The following DNMT3A variants were observed in gnomAD, a reference collection of about 807,000 sequenced individuals.
DNMT3A encodes DNA (cytosine-5)-methyltransferase 3A.
In DNMT3A, 267 loss-of-function variants were observed where a neutral mutation model predicts 117.6. The observed-to-expected ratio is 2.27, with a 90% CI of 2.05 to 2.51. DNMT3A has a LOEUF of 2.51. Among genes scored for constraint, DNMT3A ranks in the 30% most tolerant of loss-of-function variants. The pLI, the probability that DNMT3A is intolerant of heterozygous loss-of-function variation, is 0.00. For missense variants in DNMT3A, 1,029 were observed against 1,260.2 expected (o/e 0.82, Z 2.78); for synonymous variants, 432 against 474.8 (o/e 0.91, Z 1.17).
rs1043031759 is a variant in DNMT3A, at chr2:25,234,238, G to T, written c.*41C>A. On this transcript the variant is annotated 3_prime_UTR_variant, in exon 23 of 23. Transcript: ENST00000321117. This position sits in a 1 kb window ranked among gnomAD's most constrained non-coding sequence, Gnocchi z 4.5. Reference sequence around the variant, plus strand: ...TATGTTTTGTGTTTTTTGTTTGTTTGTTTAACTTTGTGTCGCTACCTCAGT... The same window carrying T: ...TATGTTTTGTGTTTTTTGTTTGTTTTTTTAACTTTGTGTCGCTACCTCAGT... 7 of 1,570,144 alleles carry T rather than the reference G, an allele frequency of 4.5e-6. No homozygotes were observed. In the Admixed American group the frequency reaches 5.4e-5, roughly 12 times the overall value.
At chr2:25,284,789 T>C (rs937744395) in intron 3 of DNMT3A, among the ~76,000 whole-genome samples, 3 of 151,978 alleles carry the variant, frequency 2.0e-5, no homozygotes, top group Non-Finnish European at 2.9e-5. Context: ...TGAGCATCCT[T>C]TCCAGATTTT....
chr2:25,278,042 C>CACACACGCAAACAG (rs1553422575), intron 4 of DNMT3A, among the ~76,000 whole-genome samples: 1 of 146,294 alleles, frequency 6.8e-6, no homozygotes, highest in Non-Finnish European at 1.5e-5. Context: ...CACACACAGA[C>CACACACGCAAACAG]ACACACGCTT....
chr2:25,242,215 C>T (rs576342562), intron 16 of DNMT3A, among the ~76,000 whole-genome samples: 12 of 152,098 alleles, frequency 7.9e-5, no homozygotes, highest in Non-Finnish European at 1.6e-4. Flanking sequence ...GCCTCCCCAT[C>T]AGAGCAGTTT....
chr2:25,299,181 T>C (rs2033275668), intron 3 of DNMT3A, among the ~76,000 whole-genome samples: 1 of 152,226 alleles, frequency 6.6e-6, no homozygotes, highest in Admixed American at 6.5e-5. Context: ...GCTCCACATC[T>C]GAGTTTAAGA....
Position 25,246,728 on chromosome 2 carries a change from C to T in DNMT3A, c.1171G>A (p.Asp391Asn), listed in dbSNP as rs779155323. ...ACGGCCTTGGCAGTGTCACTCTCAT[C>T]GCTGTCGTGGCACACCGGGAACAGC... Reference protein sequence around the residue: ...GKLFPVCHDSDESDTAKAVEV... With the variant: ...GKLFPVCHDSNESDTAKAVEV... Residue 391 changes from aspartate to asparagine, a missense_variant, in exon 10 of 23, where the codon GAT (aspartate) becomes AAT (asparagine). Physicochemically the swap from Asp to Asn is conservative, Grantham distance 23 (BLOSUM62 1). Coordinates refer to ENST00000321117, the MANE Select transcript of DNMT3A (RefSeq NM_022552.5). The T allele has an allele frequency of 5.6e-6, 9 of 1,613,888 alleles. No individual in the cohort carries two copies. The highest frequency in any genetic ancestry group is 7.6e-6 in the Non-Finnish European group (9 of 1,180,032).
rs780139901 is a variant in DNMT3A, at chr2:25,313,993, C to T, written c.-9G>A. On this transcript the variant is annotated 5_prime_UTR_variant, in exon 2 of 23. Transcript: ENST00000321117. ...GAGGGCATGGCGGGCATCTGGGCGC[C>T]GGGAGGCAGGCTGGGGCTGCGCGGG... The T allele has an allele frequency of 1.0e-5, 16 of 1,540,034 alleles. No homozygotes were observed. Among genetic ancestry groups the T allele is most frequent in the Admixed American group, 6.0e-5 (3 of 49,898 alleles).
chr2:25,287,314 G>A (rs1179580154), intron 3 of DNMT3A, among the ~76,000 whole-genome samples: 6 of 152,148 alleles, frequency 3.9e-5, no homozygotes, highest in East Asian at 1.9e-4. Context: ...TTCTCCTCCC[G>A]TGGGGGGCCA....
chr2:25,337,139 C>T lies in DNMT3A; in HGVS notation c.-178+4687G>A, dbSNP rs541058690. On this transcript the variant is annotated intron_variant, in intron 1 of 22. Coordinates refer to ENST00000321117, the MANE Select transcript of DNMT3A (RefSeq NM_022552.5). The surrounding 1 kb of genome is among the most constrained non-coding windows in gnomAD (Gnocchi z 5.0). ...GGATGAGAATAACGAGCTGAAACTACAGCGGGAGGGATTTCAGGTGGAAGC... is the reference window on the plus strand; with the variant it reads ...GGATGAGAATAACGAGCTGAAACTATAGCGGGAGGGATTTCAGGTGGAAGC... Among the ~76,000 whole-genome samples the T allele has an allele frequency of 3.4e-4, 52 of 152,316 alleles. 1 individual carries two copies. Among genetic ancestry groups the T allele is most frequent in the Admixed American group, 3.0e-3 (46 of 15,304 alleles).
At position 25,249,689 on chromosome 2, in the gene DNMT3A, C is replaced by T. The variant is rs773616337; in HGVS notation, c.640-1437G>A. ...CACTCGTCTTTCAGGCTACGATCCA[C>T]GCGCCCATTCCTTCTCACAACCCGC... is the stretch of plus-strand genomic sequence containing the variant. On this transcript the variant is annotated intron_variant, in intron 6 of 22. Transcript: ENST00000321117. The T allele has an allele frequency of 2.5e-5, 40 of 1,614,098 alleles. No individual in the cohort carries two copies. Among genetic ancestry groups the T allele is most frequent in the African/African-American group, 4.0e-5 (3 of 74,934 alleles).
chr2:25,268,429 G>A (rs544729915), intron 6 of DNMT3A, among the ~76,000 whole-genome samples: 59 of 152,294 alleles, frequency 3.9e-4, no homozygotes, highest in African/African-American at 1.3e-3. Context: ...CGAGATGACC[G>A]CCCAGCTACT....
At chr2:25,335,956 GA>G (rs796197568) in intron 1 of DNMT3A, among the ~76,000 whole-genome samples, 66 of 142,854 alleles carry the variant, frequency 4.6e-4, no homozygotes, top group Middle Eastern at 3.5e-3. Flanking sequence ...AGCTGCTGCT[GA>G]AAAAAAAAAA....
At position 25,305,211 on chromosome 2, in the gene DNMT3A, G is replaced by A. The variant is rs1018079234; in HGVS notation, c.73-4968C>T. Among the ~76,000 whole-genome samples, 1 of 152,198 alleles carries A rather than the reference G, an allele frequency of 6.6e-6. No individual in the cohort carries two copies. The highest frequency in any genetic ancestry group is 2.4e-5 in the African/African-American group (1 of 41,450). On this transcript the variant is annotated intron_variant, in intron 2 of 22. Coordinates refer to ENST00000321117, the MANE Select transcript of DNMT3A (RefSeq NM_022552.5). This position sits in a 1 kb window ranked among gnomAD's most constrained non-coding sequence, Gnocchi z 4.1. ...TACGATTCCAGATTAGGAAACAAGA[G>A]GACTAAAACGTCCCTTCTAGACTTA...
chr2:25,230,806 G>C lies in DNMT3A; in HGVS notation c.*3473C>G, dbSNP rs1260310249. ...GTCCCTGCAAGGGGGGGGGGGGGGGGGCCATGACCCCTGGGGCATCTGGTC... is the reference window on the plus strand; with the variant it reads ...GTCCCTGCAAGGGGGGGGGGGGGGGCGCCATGACCCCTGGGGCATCTGGTC... On this transcript the variant is annotated 3_prime_UTR_variant, in exon 23 of 23. Transcript: ENST00000321117. 8.2e-6 allele frequency: 1 copy of C among 122,240 alleles called. No individual in the cohort carries two copies. Among genetic ancestry groups the C allele is most frequent in the Non-Finnish European group, 1.7e-5 (1 of 57,860 alleles). The allele number at this position is 122,240 out of a possible 1,614,324, so 7.6% of individuals were successfully genotyped here.
rs1675963503 is a variant in DNMT3A, at chr2:25,254,679, G to A, written c.640-6427C>T. 6.6e-6 allele frequency among the ~76,000 whole-genome samples: 1 copy of A among 152,134 alleles called. No individual in the cohort carries two copies. Among genetic ancestry groups the A allele is most frequent in the South Asian group, 2.1e-4 (1 of 4,824 alleles). On this transcript the variant is annotated intron_variant, in intron 6 of 22. Coordinates refer to ENST00000321117, the MANE Select transcript of DNMT3A (RefSeq NM_022552.5). This position sits in a 1 kb window ranked among gnomAD's most constrained non-coding sequence, Gnocchi z 4.7. Reference sequence around the variant, plus strand: ...TGCTTCTCTCACTGATACCTCTTCTGCATCCATGCCGGTCAACGGGCCTGA... The same window carrying A: ...TGCTTCTCTCACTGATACCTCTTCTACATCCATGCCGGTCAACGGGCCTGA...
intron 4 of DNMT3A, among the ~76,000 whole-genome samples, chr2:25,277,444 T>TGGCGGTCCC (rs1193394126): frequency 6.6e-6 from 1 of 152,046 alleles, no homozygotes; most frequent in Non-Finnish European, 1.5e-5. Context: ...GGGGGCGGCC[T>TGGCGGTCCC]GGCGGTCCCG....
rs2035305288 is a variant in DNMT3A, at chr2:25,338,774, C to T, written c.-178+3052G>A. Among the ~76,000 whole-genome samples, 4 of 152,174 alleles carry T rather than the reference C, an allele frequency of 2.6e-5. No individual in the cohort carries two copies. In the South Asian group the frequency reaches 6.2e-4, roughly 24 times the overall value. On this transcript the variant is annotated intron_variant, in intron 1 of 22. Transcript: ENST00000321117. Reference sequence around the variant, plus strand: ...CAGGCCTGGCTCCACTTCTTCCTGCCGGTGACCCTGGACAAGGATTTTACC... The same window carrying T: ...CAGGCCTGGCTCCACTTCTTCCTGCTGGTGACCCTGGACAAGGATTTTACC...
intron 22 of DNMT3A, among the ~76,000 whole-genome samples, chr2:25,235,262 G>A (rs13006758): frequency 0.47 from 70,406 of 151,250 alleles, 18,361 homozygotes; most frequent in Non-Finnish European, 0.59. Flanking sequence ...TCGGCTCACT[G>A]CAACCTCCAC....
intron 1 of DNMT3A, among the ~76,000 whole-genome samples, chr2:25,335,737 T>C (rs572513498): frequency 6.6e-6 from 1 of 152,216 alleles, no homozygotes; most frequent in South Asian, 2.1e-4. Flanking sequence ...CTCTGTGCAC[T>C]CAGACGGGGC....
chr2:25,295,006 G>C (rs978667926), intron 3 of DNMT3A, among the ~76,000 whole-genome samples: 2 of 152,192 alleles, frequency 1.3e-5, no homozygotes, highest in Non-Finnish European at 2.9e-5. Context: ...AATACGCATC[G>C]CTAGTAAATA....
Sources: gnomAD v4.1 joint callset for allele counts (sites outside exome capture counted in the v4.1 genomes callset) on GRCh38, gnomAD v4.1.1 for gene constraint, Gnocchi (gnomAD v3.1) non-coding constraint, MANE v1.5 for transcripts, NCBI Gene and HGNC (gene_info 2026-07-23, HGNC 2026-07-21) for gene names.